The following SEPTIN9 variants were observed in gnomAD, a reference collection of about 807,000 sequenced individuals.
The protein encoded by SEPTIN9 is septin 9.
SEPTIN9 carries 13 observed loss-of-function variants against 56.6 expected under a neutral mutation model. That is an observed-to-expected ratio of 0.23 (90% CI 0.15 to 0.37). The LOEUF is 0.37. Among genes scored for constraint, SEPTIN9 ranks in the 10% least tolerant of loss-of-function variants. The probability of loss-of-function intolerance (pLI) is 1.00; values close to 1 mark genes in which losing one functional copy is unlikely to be tolerated. For synonymous variants in SEPTIN9, 332 were observed against 334.1 expected, an observed-to-expected ratio of 0.99 and a Z score of 0.07; for missense variants, 650 against 823.1, an observed-to-expected ratio of 0.79 and a Z score of 2.57.
rs200881339 is a variant in SEPTIN9 at position 77,310,761 on chromosome 17, G to A, written c.76+3564G>A. Among the ~76,000 whole-genome samples, 2 of 152,068 alleles carry A rather than the reference G, an allele frequency of 1.3e-5. No homozygotes were observed. The highest frequency in any genetic ancestry group is 2.9e-5 in the Non-Finnish European group (2 of 68,020). The stretch of plus-strand genomic sequence containing the variant: ...AGCGGACTTTTGCCCTGTTTCCCAC[G>A]GTGCACGGAGCATTTCATCTCAGTG... On this transcript the variant is annotated intron_variant, in intron 2 of 11. Transcript: ENST00000427177. This position sits in a 1 kb window ranked among gnomAD's most constrained non-coding sequence, Gnocchi z 4.7.
At chr17:77,288,077 G>A in intron 1 of SEPTIN9, 1 of 1,063,692 alleles carries the variant, frequency 9.4e-7, no homozygotes, top group Middle Eastern at 4.2e-4. Flanking sequence ...GGCACGGAGG[G>A]CCAGAAAGTC....
chr17:77,334,919 G>A (rs2033486081), intron 2 of SEPTIN9, among the ~76,000 whole-genome samples: 1 of 152,084 alleles, frequency 6.6e-6, no homozygotes, highest in Admixed American at 6.5e-5. Flanking sequence ...TGACACCTTT[G>A]CTAAAAATCA....
chr17:77,457,595 G>A (rs2144467708), intron 3 of SEPTIN9, among the ~76,000 whole-genome samples: 1 of 152,362 alleles, frequency 6.6e-6, no homozygotes, highest in East Asian at 1.9e-4. Context: ...GACCAAGAGT[G>A]GAGAAAAGGC....
At position 77,371,865 on chromosome 17, in the gene SEPTIN9, T is replaced by A. The variant is rs2034729264; in HGVS notation, c.77-30194T>A. On this transcript the variant is annotated intron_variant, in intron 2 of 11. Coordinates refer to ENST00000427177, the MANE Select transcript of SEPTIN9 (RefSeq NM_001113491.2). The surrounding 1 kb of genome is among the most constrained non-coding windows in gnomAD (Gnocchi z 4.1). ...AGCATGAGGGAGGGAGTGCCTGCTT[T>A]TCTTAAAAAGGAAGGACTTGATTTC... Among the ~76,000 whole-genome samples the A allele has an allele frequency of 6.6e-6, 1 of 152,172 alleles. No individual in the cohort carries two copies. The highest frequency in any genetic ancestry group is 2.1e-4 in the South Asian group (1 of 4,822).
intron 3 of SEPTIN9, among the ~76,000 whole-genome samples, chr17:77,426,259 C>T (rs939462972): frequency 2.0e-5 from 3 of 152,038 alleles, no homozygotes; most frequent in Admixed American, 6.5e-5. Context: ...GTGGTTTGCC[C>T]GACAGGGTGG....
In SEPTIN9 at chr17:77,389,602, G is replaced by A. The variant is rs771230684; in HGVS notation, c.77-12457G>A. On this transcript the variant is annotated intron_variant, in intron 2 of 11. Coordinates refer to ENST00000427177, the MANE Select transcript of SEPTIN9 (RefSeq NM_001113491.2). The surrounding 1 kb of genome is among the most constrained non-coding windows in gnomAD (Gnocchi z 4.3). ...TCTTTGACCCAAGGAGACCTGAAAG[G>A]TCATCTGGTCCCTCTCCTACCCCCA... Among the ~76,000 whole-genome samples the A allele has an allele frequency of 3.3e-5, 5 of 152,098 alleles. No homozygotes were observed. Among genetic ancestry groups the A allele is most frequent in the Non-Finnish European group, 7.4e-5 (5 of 68,000 alleles).
intron 2 of SEPTIN9, among the ~76,000 whole-genome samples, chr17:77,398,216 C>A (rs573366644): frequency 6.6e-6 from 1 of 151,234 alleles, no homozygotes; most frequent in Admixed American, 6.6e-5. Flanking sequence ...CTCAAGCGAT[C>A]TGTCCACCTT....
At chr17:77,466,361 A>G in intron 3 of SEPTIN9, 3 of 983,328 alleles carry the variant, frequency 3.1e-6, no homozygotes, top group Non-Finnish European at 3.6e-6. Context: ...CAGCCTTGGG[A>G]GAAATTACCA....
rs4788985 is a variant in SEPTIN9 at position 77,317,253 on chromosome 17, A to G, written c.76+10056A>G. On this transcript the variant is annotated intron_variant, in intron 2 of 11. Transcript: ENST00000427177. This position sits in a 1 kb window ranked among gnomAD's most constrained non-coding sequence, Gnocchi z 4.2. ...CCGAGATCAGGGTCACCAGGCTGAA[A>G]TCAGGGTGTCCACTGGGCATAGCCC... Among the ~76,000 whole-genome samples, 61,913 of 151,920 alleles carry G rather than the reference A, an allele frequency of 0.41. 14,002 individuals carry two copies. The highest frequency in any genetic ancestry group is 0.53 in the East Asian group (2,730 of 5,144).
At chr17:77,348,519 C>T (rs1198637701) in intron 2 of SEPTIN9, among the ~76,000 whole-genome samples, 1 of 152,098 alleles carries the variant, frequency 6.6e-6, no homozygotes, top group Non-Finnish European at 1.5e-5. Flanking sequence ...AGGCTGGCCT[C>T]GAACTCCTGA....
chr17:77,395,249 C>A (rs1219588025), intron 2 of SEPTIN9, among the ~76,000 whole-genome samples: 1 of 151,676 alleles, frequency 6.6e-6, no homozygotes, highest in African/African-American at 2.4e-5. Context: ...CAATATTGGC[C>A]GGGTGCAGTG....
At chr17:77,388,484 C>T (rs1257838742) in intron 2 of SEPTIN9, among the ~76,000 whole-genome samples, 3 of 152,176 alleles carry the variant, frequency 2.0e-5, no homozygotes, top group African/African-American at 2.4e-5. Context: ...CAGGCAGATC[C>T]GTGTAGGTTC....
chr17:77,462,541 C>T (rs895195296), intron 3 of SEPTIN9, among the ~76,000 whole-genome samples: 2 of 152,238 alleles, frequency 1.3e-5, no homozygotes, highest in Non-Finnish European at 2.9e-5. Flanking sequence ...GCCTTGGCCT[C>T]CCAAAGTGCT....
chr17:77,290,593 C>T (rs987559982), intron 1 of SEPTIN9, among the ~76,000 whole-genome samples: 6 of 151,362 alleles, frequency 4.0e-5, no homozygotes, highest in Non-Finnish European at 5.9e-5. Flanking sequence ...TTTGAGAGGC[C>T]GAGGCGGGCA....
intron 4 of SEPTIN9, among the ~76,000 whole-genome samples, chr17:77,485,252 TG>T (rs2039720374): frequency 1.1e-5 from 1 of 93,058 alleles, no homozygotes; most frequent in Admixed American, 9.8e-5. Context: ...ATTGTGATGG[TG>T]GTGATTGTGA....
rs2034670918 is a variant in SEPTIN9 at position 77,369,938 on chromosome 17, A to G, written c.77-32121A>G. Among the ~76,000 whole-genome samples the G allele has an allele frequency of 6.6e-6, 1 of 152,088 alleles. No homozygotes were observed. The highest frequency in any genetic ancestry group is 2.1e-4 in the South Asian group (1 of 4,818). On this transcript the variant is annotated intron_variant, in intron 2 of 11. Transcript: ENST00000427177. This position sits in a 1 kb window ranked among gnomAD's most constrained non-coding sequence, Gnocchi z 4.9. ...CCTGACCTGTGGGGTTTCTCTCCAGACCTGCTCCTTCCCATTTCCAGAAAG... is the reference window on the plus strand; with the variant it reads ...CCTGACCTGTGGGGTTTCTCTCCAGGCCTGCTCCTTCCCATTTCCAGAAAG...
chr17:77,462,226 C>G (rs147363676), intron 3 of SEPTIN9, among the ~76,000 whole-genome samples: 2 of 152,310 alleles, frequency 1.3e-5, no homozygotes, highest in South Asian at 2.1e-4. Flanking sequence ...CCAGAGAAAC[C>G]GTTAGCCTGA....
intron 2 of SEPTIN9, among the ~76,000 whole-genome samples, chr17:77,348,295 T>TG (rs72112417): frequency 5.8e-4 from 5 of 8,690 alleles, no homozygotes; most frequent in East Asian, 0.012. Flanking sequence ...TTAATTTATG[T>TG]TTTTTTTTTT....
chr17:77,410,387 C>T (rs2036249465), intron 3 of SEPTIN9, among the ~76,000 whole-genome samples: 1 of 152,136 alleles, frequency 6.6e-6, no homozygotes, highest in Admixed American at 6.5e-5. Flanking sequence ...GGGTCAAGCT[C>T]GATTCCACTC....
Sources: allele counts gnomAD v4.1 joint callset (sites outside exome capture counted in the v4.1 genomes callset), GRCh38; gene constraint gnomAD v4.1.1; non-coding constraint Gnocchi (gnomAD v3.1); transcripts MANE v1.5; gene names NCBI Gene and HGNC (gene_info 2026-07-23, HGNC 2026-07-21).